ZNRF1: variants seen among roughly 807,000 people sequenced by gnomAD.
The protein encoded by ZNRF1 is E3 ubiquitin-protein ligase ZNRF1.
ZNRF1 carries 3 observed loss-of-function variants against 18.4 expected under a neutral mutation model. That is an observed-to-expected ratio of 0.16 (90% CI 0.07 to 0.42). ZNRF1 has a LOEUF of 0.42. Ranked by LOEUF, ZNRF1 falls within the 10% of genes least tolerant of loss-of-function variation. The probability of loss-of-function intolerance (pLI) is 0.99; values close to 1 mark genes in which losing one functional copy is unlikely to be tolerated. For synonymous variants in ZNRF1, 157 were observed against 144.2 expected, an observed-to-expected ratio of 1.09 and a Z score of -0.64; for missense variants, 310 against 329.8, an observed-to-expected ratio of 0.94 and a Z score of 0.47.
At chr16:75,038,203 C>G (rs2035399063) in intron 1 of ZNRF1, among the ~76,000 whole-genome samples, 1 of 152,154 alleles carries the variant, frequency 6.6e-6, no homozygotes, top group South Asian at 2.1e-4. Context: ...AGGCAGGGCT[C>G]AGCTGGATGG....
chr16:75,074,135 G>A (rs558798994), intron 1 of ZNRF1, among the ~76,000 whole-genome samples: 4 of 152,228 alleles, frequency 2.6e-5, no homozygotes, highest in South Asian at 2.1e-4. Context: ...TGTGTAAAAC[G>A]AGCCACAGAC....
At chr16:75,095,648 T>G in intron 2 of ZNRF1, 1 of 1,550,160 alleles carries the variant, frequency 6.5e-7, no homozygotes, top group Non-Finnish European at 8.7e-7. Flanking sequence ...AACCTGGCTC[T>G]CAGGAAGAAC....
intron 1 of ZNRF1, among the ~76,000 whole-genome samples, chr16:75,069,534 C>A (rs538023508): frequency 1.3e-5 from 2 of 152,302 alleles, no homozygotes; most frequent in South Asian, 4.1e-4. Flanking sequence ...CTGCCTTAGC[C>A]TCTCGAGTAG....
At position 75,086,658 on chromosome 16, in the gene ZNRF1, T is replaced by C. The variant is rs181652682; in HGVS notation, c.425-6914T>C. On this transcript the variant is annotated intron_variant, in intron 1 of 4. Coordinates refer to ENST00000335325, the MANE Select transcript of ZNRF1 (RefSeq NM_032268.5). ...TCATAATAAATCCCATTTATGAAAA[T>C]TAGTTTATTCAAGTCCCATTTTATT... Among the ~76,000 whole-genome samples, 252 of 152,276 alleles carry C rather than the reference T, an allele frequency of 1.7e-3. 1 individual carries two copies. Among genetic ancestry groups the C allele is most frequent in the African/African-American group, 6.0e-3 (251 of 41,524 alleles).
At chr16:75,088,669 C>T (rs1183237141) in intron 1 of ZNRF1, among the ~76,000 whole-genome samples, 1 of 152,192 alleles carries the variant, frequency 6.6e-6, no homozygotes, top group Non-Finnish European at 1.5e-5. Context: ...AGCTCTGCCT[C>T]TTTCTGGCCA....
chr16:75,085,353 C>T (rs930164093), intron 1 of ZNRF1, among the ~76,000 whole-genome samples: 9 of 152,166 alleles, frequency 5.9e-5, no homozygotes, highest in Non-Finnish European at 1.2e-4. Flanking sequence ...TTGCATGTAT[C>T]AGTAATTCAT....
chr16:75,015,937 T>TG (rs2035060622), intron 1 of ZNRF1, among the ~76,000 whole-genome samples: 1 of 150,922 alleles, frequency 6.6e-6, no homozygotes, highest in African/African-American at 2.4e-5. Flanking sequence ...TTTTTTTTTT[T>TG]GAGACGGAGT....
At chr16:75,043,902 G>A (rs1253849330) in intron 1 of ZNRF1, among the ~76,000 whole-genome samples, 2 of 148,928 alleles carry the variant, frequency 1.3e-5, no homozygotes, top group African/African-American at 4.9e-5. Context: ...CCATTCTCCT[G>A]CCTTGGCCTC....
intron 1 of ZNRF1, among the ~76,000 whole-genome samples, chr16:75,085,072 A>G (rs553105593): frequency 1.3e-5 from 2 of 152,224 alleles, no homozygotes; most frequent in South Asian, 2.1e-4. Context: ...TGAAATCTCA[A>G]ATCTTAAGTG....
At chr16:75,035,181 A>G (rs556321925) in intron 1 of ZNRF1, among the ~76,000 whole-genome samples, 1 of 140,456 alleles carries the variant, frequency 7.1e-6, no homozygotes, top group South Asian at 2.2e-4. Context: ...AGCTGGGACT[A>G]CAGGTGTGTG....
chr16:75,014,856 T>C (rs2035047063), intron 1 of ZNRF1, among the ~76,000 whole-genome samples: 1 of 152,032 alleles, frequency 6.6e-6, no homozygotes, highest in African/African-American at 2.4e-5. Context: ...TAGTATAATA[T>C]TGTGATTTTA....
chr16:75,089,774 G>C (rs1365595297), intron 1 of ZNRF1, among the ~76,000 whole-genome samples: 2 of 152,188 alleles, frequency 1.3e-5, no homozygotes, highest in East Asian at 1.9e-4. Flanking sequence ...ATGAATGTCT[G>C]GTGACATTCC....
intron 1 of ZNRF1, among the ~76,000 whole-genome samples, chr16:75,063,533 A>G (rs529795589): frequency 6.6e-5 from 10 of 152,274 alleles, no homozygotes; most frequent in African/African-American, 2.4e-4. Flanking sequence ...GGAAAAATAT[A>G]TGGTGGTATT....
At chr16:75,027,907 C>G (rs2035248109) in intron 1 of ZNRF1, among the ~76,000 whole-genome samples, 1 of 152,206 alleles carries the variant, frequency 6.6e-6, no homozygotes, top group Non-Finnish European at 1.5e-5. Flanking sequence ...TCCATACTTT[C>G]TCCTCTCTTT....
intron 1 of ZNRF1, among the ~76,000 whole-genome samples, chr16:75,082,000 G>A (rs1248007775): frequency 6.6e-6 from 1 of 152,146 alleles, no homozygotes; most frequent in African/African-American, 2.4e-5. Flanking sequence ...CAGTAGTTGG[G>A]GACTTGATTC....
At chr16:75,033,437 GTTTTTTT>G (rs55813752) in intron 1 of ZNRF1, among the ~76,000 whole-genome samples, 1 of 98,170 alleles carries the variant, frequency 1.0e-5, no homozygotes, top group South Asian at 3.4e-4. Context: ...GTGTTTTATA[GTTTTTTT>G]TTTTTTTTTT....
At chr16:75,016,796 C>T (rs1038060499) in intron 1 of ZNRF1, among the ~76,000 whole-genome samples, 2 of 147,438 alleles carry the variant, frequency 1.4e-5, no homozygotes, top group Non-Finnish European at 3.0e-5. Context: ...TCACCTGCCT[C>T]GGCCTCCCAG....
chr16:75,047,021 G>C (rs2035524818), intron 1 of ZNRF1: 1 of 152,012 alleles, frequency 6.6e-6, no homozygotes, highest in African/African-American at 2.4e-5. Context: ...CCACAATTTT[G>C]TGTGTATGTT....
intron 1 of ZNRF1, 105 bp downstream of exon 1, chr16:75,000,200 G>T: frequency 6.9e-7 from 1 of 1,455,656 alleles, no homozygotes; most frequent in Non-Finnish European, 9.4e-7. Flanking sequence ...ACCGGGATCT[G>T]TCTGCATTCC....
Sources: allele counts gnomAD v4.1 joint callset (sites outside exome capture counted in the v4.1 genomes callset), GRCh38; gene constraint gnomAD v4.1.1; transcripts MANE v1.5; gene names NCBI Gene and HGNC (gene_info 2026-07-23, HGNC 2026-07-21).